Variants in SLC24A2 observed in about 807,000 individuals in gnomAD.
The protein encoded by SLC24A2 is sodium/potassium/calcium exchanger 2.
Under a neutral mutation model 62.0 loss-of-function variants are expected in SLC24A2, and 36 were observed. The ratio of observed to expected loss-of-function variants is 0.58; its 90% CI spans 0.44 to 0.77. The LOEUF is 0.77. SLC24A2 is among the 30% of genes least tolerant of loss of function. The pLI, the probability that SLC24A2 is intolerant of heterozygous loss-of-function variation, is 0.00. For missense variants in SLC24A2, 846 were observed against 817.9 expected (o/e 1.03, Z -0.42); for synonymous variants, 358 against 294.0 (o/e 1.22, Z -2.23).
At chr9:19,969,416 T>A in the SLC24A2 span, among the ~76,000 whole-genome samples, 1 of 152,192 alleles carries the variant, frequency 6.6e-6, no homozygotes, top group African/African-American at 2.4e-5. Flanking sequence ...TCTCTGAAAG[T>A]CTGAGTCTCA....
the SLC24A2 span, among the ~76,000 whole-genome samples, chr9:19,958,605 C>T: frequency 2.6e-5 from 4 of 152,188 alleles, no homozygotes; most frequent in Non-Finnish European, 5.9e-5. Flanking sequence ...AGCTAAGTGA[C>T]ACTGAACAAG....
chr9:20,256,594 C>A, the SLC24A2 span, among the ~76,000 whole-genome samples: 1 of 152,168 alleles, frequency 6.6e-6, no homozygotes, highest in Non-Finnish European at 1.5e-5. Context: ...CTTCACCTTT[C>A]TAATCCTTAC....
In SLC24A2 at chr9:19,636,367, CTTT is replaced by C. The variant is rs1564009947; in HGVS notation, c.931-14071_931-14069del. Among the ~76,000 whole-genome samples, 24 of 35,190 alleles carry C rather than the reference CTTT, an allele frequency of 6.8e-4. 3 individuals carry two copies. Among genetic ancestry groups the C allele is most frequent in the African/African-American group, 1.6e-3 (12 of 7,716 alleles). 23.1% of individuals were successfully genotyped at this position (35,190 alleles called of 152,430 possible). ...TCTTTCTTTCTTTCTTTCTTTCTTTCTTTCTTTCTTTCTTTCTTTCTCCCTCTC... is the reference window on the plus strand; with the variant it reads ...TCTTTCTTTCTTTCTTTCTTTCTTTCCTTTCTTTCTTTCTTTCTCCCTCTC... On this transcript the variant is annotated intron_variant, in intron 2 of 10. Transcript: ENST00000341998.
chr9:19,852,183 T>C, the SLC24A2 span, among the ~76,000 whole-genome samples: 2 of 152,210 alleles, frequency 1.3e-5, no homozygotes, highest in Admixed American at 1.3e-4. Context: ...TGTTTTCTTT[T>C]TCTTGTAAAT....
the SLC24A2 span, among the ~76,000 whole-genome samples, chr9:19,854,658 GAC>G: frequency 6.6e-6 from 1 of 152,158 alleles, no homozygotes. Flanking sequence ...TGGTCAGAGA[GAC>G]TGTTATGATT....
chr9:20,252,811 T>C, the SLC24A2 span, among the ~76,000 whole-genome samples: 2 of 152,192 alleles, frequency 1.3e-5, no homozygotes, highest in Non-Finnish European at 1.5e-5. Context: ...GGATCCCCAC[T>C]CCAAATTTTC....
chr9:20,078,889 A>G, the SLC24A2 span, among the ~76,000 whole-genome samples: 1 of 152,236 alleles, frequency 6.6e-6, no homozygotes, highest in Non-Finnish European at 1.5e-5. Flanking sequence ...CTTTCTAATA[A>G]GCTTTGTATA....
chr9:19,647,046 T>G (rs1248959429), intron 2 of SLC24A2, among the ~76,000 whole-genome samples: 5 of 121,194 alleles, frequency 4.1e-5, no homozygotes, highest in Admixed American at 8.5e-5. Context: ...CTCTCTCTCT[T>G]TCCACACACA....
chr9:20,072,310 G>A, the SLC24A2 span, among the ~76,000 whole-genome samples: 659 of 152,186 alleles, frequency 4.3e-3, 6 homozygotes, highest in African/African-American at 0.015. Flanking sequence ...GTGCAATGAG[G>A]GTCTTATGAC....
chr9:19,701,217 A>G (rs980131975), intron 2 of SLC24A2, among the ~76,000 whole-genome samples: 1 of 152,246 alleles, frequency 6.6e-6, no homozygotes, highest in Non-Finnish European at 1.5e-5. Context: ...TGCATGTACC[A>G]TGACTGTGAA....
chr9:19,541,786 C>T (rs1234431748), intron 8 of SLC24A2, among the ~76,000 whole-genome samples: 1 of 148,780 alleles, frequency 6.7e-6, no homozygotes, highest in Non-Finnish European at 1.5e-5. Flanking sequence ...TGGGCAATGG[C>T]GGGCGCCCCT....
chr9:20,005,512 A>C, the SLC24A2 span, among the ~76,000 whole-genome samples: 1 of 151,928 alleles, frequency 6.6e-6, no homozygotes, highest in Admixed American at 6.5e-5. Context: ...ATCTTGCTTA[A>C]GATCACAAAG....
intron 4 of SLC24A2, among the ~76,000 whole-genome samples, chr9:19,611,943 G>C (rs941408268): frequency 6.6e-6 from 1 of 152,088 alleles, no homozygotes; most frequent in African/African-American, 2.4e-5. Flanking sequence ...GGGGGGAACA[G>C]AGAGTATTAA....
At chr9:19,897,674 A>G in the SLC24A2 span, among the ~76,000 whole-genome samples, 237 of 152,312 alleles carry the variant, frequency 1.6e-3, no homozygotes, top group African/African-American at 5.5e-3. Flanking sequence ...TATGTTCACA[A>G]CACTTTAAAT....
intron 2 of SLC24A2, among the ~76,000 whole-genome samples, chr9:19,646,370 C>A (rs1000950387): frequency 2.0e-5 from 3 of 152,194 alleles, no homozygotes; most frequent in African/African-American, 7.2e-5. Context: ...CAAATTATCA[C>A]AAAAACTGGT....
the SLC24A2 span, among the ~76,000 whole-genome samples, chr9:20,263,736 T>G: frequency 6.6e-6 from 1 of 152,134 alleles, no homozygotes; most frequent in African/African-American, 2.4e-5. Context: ...ATAGTATGTG[T>G]TCCTTTTGGA....
chr9:20,019,538 T>C, the SLC24A2 span, among the ~76,000 whole-genome samples: 1 of 152,180 alleles, frequency 6.6e-6, no homozygotes, highest in South Asian at 2.1e-4. Flanking sequence ...CATTGGACTA[T>C]ATATCTGTTT....
the SLC24A2 span, among the ~76,000 whole-genome samples, chr9:20,126,390 A>G: frequency 2.0e-5 from 3 of 151,850 alleles, no homozygotes; most frequent in East Asian, 5.8e-4. Context: ...TTTTCTAGAT[A>G]TTAAACTTCT....
At chr9:19,961,722 C>T in the SLC24A2 span, among the ~76,000 whole-genome samples, 1 of 152,192 alleles carries the variant, frequency 6.6e-6, no homozygotes, top group Non-Finnish European at 1.5e-5. Context: ...GACTTAGAGA[C>T]TATGTCATAA....
Sources: gnomAD v4.1 joint callset for allele counts (sites outside exome capture counted in the v4.1 genomes callset) on GRCh38, gnomAD v4.1.1 for gene constraint, MANE v1.5 for transcripts, NCBI Gene and HGNC (gene_info 2026-07-23, HGNC 2026-07-21) for gene names.